KCNK2: variants seen among roughly 807,000 people sequenced by gnomAD.
KCNK2 encodes potassium channel subfamily K member 2.
In KCNK2, 21 loss-of-function variants were observed where a neutral mutation model predicts 40.5. The ratio of observed to expected loss-of-function variants is 0.52; its 90% confidence interval spans 0.37 to 0.75. The LOEUF is 0.75. Among genes scored for constraint, KCNK2 ranks in the 30% least tolerant of loss-of-function variants. The probability of loss-of-function intolerance (pLI) is 0.00; values close to 1 mark genes in which losing one functional copy is unlikely to be tolerated. For synonymous variants in KCNK2, 191 were observed against 202.2 expected (o/e 0.94, Z 0.47); for missense variants, 399 against 531.6 (o/e 0.75, Z 2.45).
intron 6 of KCNK2, among the ~76,000 whole-genome samples, chr1:215,216,672 G>A (rs565528472): frequency 1.5e-5 from 2 of 136,916 alleles, no homozygotes; most frequent in Non-Finnish European, 3.2e-5. Flanking sequence ...ATAATATATT[G>A]TATTTAACCC....
chr1:215,199,724 T>C (rs1198374896), intron 6 of KCNK2, among the ~76,000 whole-genome samples: 3 of 152,216 alleles, frequency 2.0e-5, no homozygotes, highest in Non-Finnish European at 2.9e-5. Flanking sequence ...ATAAAACTTA[T>C]TTAGATATTC....
chr1:215,172,450 T>C (rs73080063), intron 5 of KCNK2, among the ~76,000 whole-genome samples: 1 of 152,254 alleles, frequency 6.6e-6, no homozygotes, highest in African/African-American at 2.4e-5. Context: ...TCATCAGTCC[T>C]TGGCAATTCT....
At chr1:215,199,244 G>A (rs1307420896) in intron 6 of KCNK2, among the ~76,000 whole-genome samples, 1 of 152,090 alleles carries the variant, frequency 6.6e-6, no homozygotes, top group East Asian at 1.9e-4. Context: ...GGGAGGCAGA[G>A]GTTCCAGTGA....
At chr1:215,068,131 A>G (rs1658622484) in intron 1 of KCNK2, among the ~76,000 whole-genome samples, 1 of 150,604 alleles carries the variant, frequency 6.6e-6, no homozygotes, top group Non-Finnish European at 1.5e-5. Context: ...TGGTTTTCAT[A>G]TATTAATCAC....
In KCNK2 at chr1:215,222,708, T is replaced by C. The variant is rs569520529; in HGVS notation, c.964-12120T>C. On this transcript the variant is annotated intron_variant, in intron 6 of 6. Coordinates refer to ENST00000444842, the MANE Select transcript of KCNK2 (RefSeq NM_001017425.3). ...ATCATGTACTGTTCTGTCAAGATAA[T>C]GTGATACTTAAATAATCCTTTTAGG... Among the ~76,000 whole-genome samples the C allele has an allele frequency of 2.0e-5, 3 of 150,902 alleles. No homozygotes were observed. The East Asian group carries it at 5.8e-4, about 29-fold the overall frequency.
chr1:215,083,595 T>C (rs1166051464), intron 1 of KCNK2, 164 bp downstream of exon 1: 6 of 627,854 alleles, frequency 9.6e-6, no homozygotes, highest in Non-Finnish European at 1.7e-5. Flanking sequence ...GGCAAACCCT[T>C]GCCAGATCCT....
In KCNK2 at chr1:215,019,112, T is replaced by C. The variant is rs116294135; in HGVS notation, c.34+13157T>C. 1.5e-3 allele frequency among the ~76,000 whole-genome samples: 232 copies of C among 152,346 alleles called. 1 individual carries two copies. The highest frequency in any genetic ancestry group is 2.6e-3 in the Non-Finnish European group (179 of 68,038). The stretch of plus-strand genomic sequence containing the variant: ...GTTGTCCTTATTCCACTGTTATCAA[T>C]AACTGGTTTTCTCCAACAGAAGGTA... On this transcript the variant is annotated intron_variant, in intron 1 of 6. Coordinates refer to the KCNK2 transcript ENST00000391895.
chr1:215,076,548 G>T (rs1320946553), intron 1 of KCNK2, among the ~76,000 whole-genome samples: 2 of 152,192 alleles, frequency 1.3e-5, no homozygotes, highest in African/African-American at 4.8e-5. Flanking sequence ...TCTCTGGAGG[G>T]TTGATTTATG....
chr1:215,033,204 CTTT>C (rs35027891), intron 1 of KCNK2, among the ~76,000 whole-genome samples: 305 of 141,478 alleles, frequency 2.2e-3, no homozygotes, highest in Middle Eastern at 7.4e-3. Context: ...AGTTTCTTTT[CTTT>C]TTTTTTTTTT....
intron 6 of KCNK2, among the ~76,000 whole-genome samples, chr1:215,200,735 T>C (rs1446364609): frequency 1.4e-4 from 21 of 152,212 alleles, no homozygotes; most frequent in Non-Finnish European, 4.4e-5. Context: ...ATTTCAAACA[T>C]ATTTGGGGGA....
rs1263620461 is a variant in KCNK2, at chr1:215,209,390, TATTA to T, written c.963+14299_963+14302del. Among the ~76,000 whole-genome samples the T allele has an allele frequency of 2.2e-4, 17 of 75,570 alleles. No homozygotes were observed. The East Asian group carries it at 6.6e-3, about 29-fold the overall frequency. 49.6% of individuals were successfully genotyped at this position (75,570 alleles called of 152,430 possible). ...GCATATATTATATATAAAATATATATATTATATATAAAATATGCATATATTATAT... is the reference window on the plus strand; with the variant it reads ...GCATATATTATATATAAAATATATATTATATAAAATATGCATATATTATAT... On this transcript the variant is annotated intron_variant, in intron 6 of 6. Coordinates refer to ENST00000444842, the MANE Select transcript of KCNK2 (RefSeq NM_001017425.3).
intron 3 of KCNK2, among the ~76,000 whole-genome samples, chr1:215,136,521 A>G (rs1361603776): frequency 6.6e-6 from 1 of 152,206 alleles, no homozygotes; most frequent in Non-Finnish European, 1.5e-5. Flanking sequence ...ATTAGTTAGG[A>G]TATGCTAAGA....
intron 1 of KCNK2, among the ~76,000 whole-genome samples, chr1:215,014,577 C>T (rs2601637): frequency 0.032 from 4,806 of 151,902 alleles, 244 homozygotes; most frequent in African/African-American, 0.11. Flanking sequence ...TAAAGAAAAA[C>T]AAGTGAAACA....
At chr1:215,126,013 A>T (rs1207629885) in intron 3 of KCNK2, among the ~76,000 whole-genome samples, 3 of 151,914 alleles carry the variant, frequency 2.0e-5, no homozygotes, top group Admixed American at 2.0e-4. Flanking sequence ...ATCTCATGGG[A>T]CTAGTTTCAG....
chr1:215,072,438 T>C (rs1394093057), intron 1 of KCNK2, among the ~76,000 whole-genome samples: 3 of 152,262 alleles, frequency 2.0e-5, no homozygotes, highest in Non-Finnish European at 4.4e-5. Context: ...CACATTTTAT[T>C]TGCCATAAAC....
At chr1:215,191,768 T>G (rs535566539) in intron 5 of KCNK2, among the ~76,000 whole-genome samples, 1 of 152,304 alleles carries the variant, frequency 6.6e-6, no homozygotes, top group South Asian at 2.1e-4. Context: ...TGGAAAGGAT[T>G]TATGTGCATG....
intron 6 of KCNK2, among the ~76,000 whole-genome samples, chr1:215,220,484 C>A (rs1666126382): frequency 1.3e-5 from 2 of 152,174 alleles, no homozygotes; most frequent in Admixed American, 1.3e-4. Flanking sequence ...TCTGCTACCA[C>A]CCCTTGAGTA....
intron 6 of KCNK2, among the ~76,000 whole-genome samples, chr1:215,200,901 G>A (rs1236612760): frequency 2.0e-5 from 3 of 152,158 alleles, no homozygotes; most frequent in East Asian, 1.9e-4. Context: ...TTTTGGACAT[G>A]TTGTGATTGC....
chr1:215,139,849 A>G (rs1361970410), intron 3 of KCNK2, among the ~76,000 whole-genome samples: 2 of 152,180 alleles, frequency 1.3e-5, no homozygotes, highest in Non-Finnish European at 2.9e-5. Context: ...ATATATATAG[A>G]TTGGTCTTTT....
Sources: allele counts gnomAD v4.1 joint callset (sites outside exome capture counted in the v4.1 genomes callset), GRCh38; gene constraint gnomAD v4.1.1; transcripts MANE v1.5; gene names NCBI Gene and HGNC (gene_info 2026-07-23, HGNC 2026-07-21).